Variants in KLF15 observed in about 807,000 individuals in gnomAD.
The protein encoded by KLF15 is Krueppel-like factor 15.
In KLF15, 4 loss-of-function variants were observed where a neutral mutation model predicts 24.6. The observed-to-expected ratio is 0.16, with a 90% CI of 0.08 to 0.37. The LOEUF is 0.37. KLF15 is among the 10% of genes least tolerant of loss of function. The pLI is 1.00. For synonymous variants in KLF15, 246 were observed against 236.3 expected (o/e 1.04, Z -0.37); for missense variants, 496 against 560.6 (o/e 0.88, Z 1.16).
chr3:126,289,690 A>T, the KLF15 span, among the ~76,000 whole-genome samples: 8 of 152,256 alleles, frequency 5.3e-5, no homozygotes, highest in Non-Finnish European at 1.2e-4. Context: ...TACAGGGCTT[A>T]CCATGTTAAT....
chr3:126,304,060 T>C, the KLF15 span, among the ~76,000 whole-genome samples: 19 of 152,236 alleles, frequency 1.2e-4, no homozygotes, highest in African/African-American at 4.3e-4. Flanking sequence ...TTGCTTTTGA[T>C]TGTTTGATTT....
the KLF15 span, among the ~76,000 whole-genome samples, chr3:126,314,684 C>T: frequency 6.6e-6 from 1 of 152,224 alleles, no homozygotes; most frequent in Non-Finnish European, 1.5e-5. Context: ...CAAACGAATA[C>T]TGGGCTCCAC....
chr3:126,295,766 G>C, the KLF15 span, among the ~76,000 whole-genome samples: 2 of 152,288 alleles, frequency 1.3e-5, no homozygotes, highest in Admixed American at 6.5e-5. Context: ...AAGTCAGTTT[G>C]GCAAGAACTC....
chr3:126,311,010 C>A, the KLF15 span, among the ~76,000 whole-genome samples: 1 of 152,188 alleles, frequency 6.6e-6, no homozygotes, highest in Non-Finnish European at 1.5e-5. Context: ...CTGCCAGGCA[C>A]ATCCATGTAC....
chr3:126,312,467 G>T, the KLF15 span, among the ~76,000 whole-genome samples: 1 of 152,090 alleles, frequency 6.6e-6, no homozygotes, highest in Non-Finnish European at 1.5e-5. Flanking sequence ...GAGCCACCGC[G>T]CCCAGCCAGA....
the KLF15 span, among the ~76,000 whole-genome samples, chr3:126,322,458 C>T: frequency 2.0e-5 from 3 of 152,290 alleles, no homozygotes; most frequent in East Asian, 1.9e-4. Context: ...ACCTCTTCTT[C>T]GGTCCTCGTT....
the KLF15 span, among the ~76,000 whole-genome samples, chr3:126,293,173 G>C: frequency 6.8e-6 from 1 of 147,108 alleles, no homozygotes; most frequent in Non-Finnish European, 1.5e-5. Flanking sequence ...AAATTAGCCA[G>C]GTGTGGTGGT....
At chr3:126,305,792 T>G in the KLF15 span, among the ~76,000 whole-genome samples, 5,492 of 152,300 alleles carry the variant, frequency 0.036, 327 homozygotes, top group African/African-American at 0.12. Flanking sequence ...TTTGAAAAGC[T>G]GGATGTCTGA....
At chr3:126,321,811 T>C in the KLF15 span, among the ~76,000 whole-genome samples, 4 of 152,198 alleles carry the variant, frequency 2.6e-5, no homozygotes, top group Non-Finnish European at 5.9e-5. Context: ...GTGTGCCGTA[T>C]GTGTGTCGGC....
chr3:126,290,953 G>A, the KLF15 span: 2 of 151,974 alleles, frequency 1.3e-5, no homozygotes, highest in African/African-American at 4.8e-5. Flanking sequence ...CTTGTTACAG[G>A]CCACTGCCTT....
chr3:126,314,670 T>C, the KLF15 span, among the ~76,000 whole-genome samples: 4 of 152,046 alleles, frequency 2.6e-5, no homozygotes, highest in African/African-American at 9.7e-5. Context: ...ACAGCACAGC[T>C]CAGCAAACGA....
At chr3:126,341,017 A>G (rs2107548555), downstream of KLF15, among the ~76,000 whole-genome samples, 1 of 152,330 alleles carries the variant, frequency 6.6e-6, no homozygotes. Context: ...TGCAGGGCGA[A>G]GGAGCTGAAA....
At chr3:126,296,518 T>C in the KLF15 span, among the ~76,000 whole-genome samples, 1 of 152,262 alleles carries the variant, frequency 6.6e-6, no homozygotes, top group Admixed American at 6.5e-5. Context: ...CAACATACAT[T>C]CTTAATCTGC....
At chr3:126,294,529 C>A in the KLF15 span, among the ~76,000 whole-genome samples, 24,546 of 152,082 alleles carry the variant, frequency 0.16, 2,158 homozygotes, top group Non-Finnish European at 0.2. Context: ...AAGCCATACA[C>A]CAGTTGATAG....
downstream of KLF15, among the ~76,000 whole-genome samples, chr3:126,341,086 G>GC (rs1263929514): frequency 6.6e-6 from 1 of 152,156 alleles, no homozygotes; most frequent in Non-Finnish European, 1.5e-5. Flanking sequence ...AGGCAGTGCG[G>GC]CCCCATTATC....
At chr3:126,302,317 A>G in the KLF15 span, among the ~76,000 whole-genome samples, 1 of 152,132 alleles carries the variant, frequency 6.6e-6, no homozygotes, top group African/African-American at 2.4e-5. Context: ...GTCTTGGTAA[A>G]TGTTCTTCAT....
the KLF15 span, among the ~76,000 whole-genome samples, chr3:126,308,550 C>T: frequency 2.6e-3 from 402 of 152,170 alleles, 2 homozygotes; most frequent in Non-Finnish European, 4.2e-3. Context: ...GCGACCCTGG[C>T]GCTCGGGGGT....
intron 2 of KLF15, among the ~76,000 whole-genome samples, chr3:126,346,389 A>C (rs934912404): frequency 6.6e-6 from 1 of 152,186 alleles, no homozygotes; most frequent in East Asian, 1.9e-4. Flanking sequence ...AGGCCAAGTC[A>C]CACAGCCCAG....
chr3:126,344,589 C>T (rs1184566426), intron 2 of KLF15, among the ~76,000 whole-genome samples: 1 of 152,242 alleles, frequency 6.6e-6, no homozygotes, highest in Non-Finnish European at 1.5e-5. Context: ...CTGCCTCTCA[C>T]CACCCTGGCC....
Sources: allele counts gnomAD v4.1 joint callset (sites outside exome capture counted in the v4.1 genomes callset), GRCh38; gene constraint gnomAD v4.1.1; transcripts MANE v1.5; gene names NCBI Gene and HGNC (gene_info 2026-07-23, HGNC 2026-07-21).